Variants in MYO1H observed in about 807,000 individuals in gnomAD.
MYO1H encodes the protein unconventional myosin-Ih.
MYO1H carries 118 observed loss-of-function variants against 149.3 expected under a neutral mutation model. The observed-to-expected ratio is 0.79, with a 90% CI of 0.68 to 0.92. MYO1H has a LOEUF of 0.92. Ranked by LOEUF, MYO1H falls within the 40% of genes least tolerant of loss-of-function variation. The probability of loss-of-function intolerance (pLI) is 0.00; values close to 1 mark genes in which losing one functional copy is unlikely to be tolerated. For missense variants in MYO1H, 1,212 were observed against 1,280.7 expected (o/e 0.95, Z 0.82); for synonymous variants, 447 against 465.2 (o/e 0.96, Z 0.50).
chr12:109,373,140 G>A (rs1869022238), intron 1 of MYO1H, among the ~76,000 whole-genome samples: 1 of 151,924 alleles, frequency 6.6e-6, no homozygotes, highest in Non-Finnish European at 1.5e-5. Context: ...TATAATGTTT[G>A]GATTTTCCTT....
chr12:109,441,194 C>G (rs768648718), intron 25 of MYO1H, among the ~76,000 whole-genome samples: 14 of 152,178 alleles, frequency 9.2e-5, no homozygotes, highest in Non-Finnish European at 5.9e-5. Flanking sequence ...TGGCCTTTCT[C>G]TGTTGGAATT....
chr12:109,404,795 A>G (rs73407504), intron 7 of MYO1H, among the ~76,000 whole-genome samples: 11,671 of 151,906 alleles, frequency 0.077, 644 homozygotes, highest in African/African-American at 0.16. Flanking sequence ...GTTTTGGTAC[A>G]AACTAGAACA....
intron 1 of MYO1H, among the ~76,000 whole-genome samples, chr12:109,380,636 A>T (rs1430804852): frequency 2.0e-5 from 3 of 152,224 alleles, no homozygotes; most frequent in African/African-American, 7.2e-5. Flanking sequence ...GGATGGGAGA[A>T]AAGAGAAGAG....
intron 23 of MYO1H, 133 bp from the exon 24 acceptor site, chr12:109,439,498 T>TGGCCTGTGACCTACATTCCA: frequency 1.5e-6 from 1 of 676,082 alleles, no homozygotes; most frequent in Non-Finnish European, 2.4e-6. Context: ...GGGGCAGATT[T>TGGCCTGTGACCTACATTCCA]GGCCTCTGGC....
At chr12:109,424,281 C>T (rs1035858428) in intron 16 of MYO1H, among the ~76,000 whole-genome samples, 1 of 152,144 alleles carries the variant, frequency 6.6e-6, no homozygotes, top group African/African-American at 2.4e-5. Flanking sequence ...CTACCTCAGC[C>T]TCCTGAGTAA....
the MYO1H span, among the ~76,000 whole-genome samples, chr12:109,339,458 T>G: frequency 6.6e-6 from 1 of 152,186 alleles, no homozygotes; most frequent in Non-Finnish European, 1.5e-5. Context: ...GCAGAGTCCT[T>G]GATGAACAAA....
At chr12:109,343,011 G>A (rs1465572637), upstream of MYO1H, among the ~76,000 whole-genome samples, 1 of 151,942 alleles carries the variant, frequency 6.6e-6, no homozygotes, top group African/African-American at 2.4e-5. Flanking sequence ...TTGAAGCCAG[G>A]AGTTCAAGAC....
rs190532262 is a variant in MYO1H, at chr12:109,353,098, A to C, written c.12+5126A>C. Among the ~76,000 whole-genome samples, 9 of 152,254 alleles carry C rather than the reference A, an allele frequency of 5.9e-5. No homozygotes were observed. The East Asian group carries it at 1.7e-3, about 29-fold the overall frequency. ...AGGGTACTTGCCCCAAATACTCATA[A>C]ACAATATTATTGTGAGGCTGGGCAC... On this transcript the variant is annotated intron_variant, in intron 1 of 31. Coordinates refer to ENST00000310903, the Ensembl canonical transcript of MYO1H.
At chr12:109,390,703 C>T (rs767450212) in intron 2 of MYO1H, among the ~76,000 whole-genome samples, 10 of 151,472 alleles carry the variant, frequency 6.6e-5, no homozygotes, top group Non-Finnish European at 1.0e-4. Context: ...CTCACTCTGT[C>T]GCCCAGGCTG....
At position 109,447,084 on chromosome 12, in the gene MYO1H, T is replaced by C. The variant is rs1872515574; in HGVS notation, c.3094-75T>C. 1.0e-5 allele frequency: 15 copies of C among 1,435,342 alleles called. No individual in the cohort carries two copies. In the South Asian group the frequency reaches 1.6e-4, roughly 15 times the overall value. 88.9% of individuals were successfully genotyped at this position (1,435,342 alleles called of 1,614,324 possible). A position where few individuals can be genotyped will look rare whatever the true frequency, so the allele number is the denominator to read the frequency against. On this transcript the variant is annotated intron_variant, in intron 31 of 31. Coordinates refer to ENST00000310903, the Ensembl canonical transcript of MYO1H. ...ACACCCACCTTGCTAATGGTGACAG[T>C]TGAGGTGATAACTGTTTCCTTTTGC...
the MYO1H span, among the ~76,000 whole-genome samples, chr12:109,330,698 C>T: frequency 6.6e-6 from 1 of 152,050 alleles, no homozygotes; most frequent in Admixed American, 6.6e-5. Flanking sequence ...TTAATTGGGA[C>T]CCATAGTTCT....
upstream of MYO1H, among the ~76,000 whole-genome samples, chr12:109,345,419 C>G (rs1358462870): frequency 6.6e-6 from 1 of 152,070 alleles, no homozygotes; most frequent in African/African-American, 2.4e-5. Context: ...CACTGCACAT[C>G]AACTAGCTTG....
chr12:109,310,723 G>T, the MYO1H span, among the ~76,000 whole-genome samples: 1 of 152,122 alleles, frequency 6.6e-6, no homozygotes, highest in Non-Finnish European at 1.5e-5. Context: ...CTTGGCACTG[G>T]TCCATGTCCT....
chr12:109,437,739 A>G (rs540769911), intron 22 of MYO1H, among the ~76,000 whole-genome samples: 8 of 152,056 alleles, frequency 5.3e-5, no homozygotes, highest in African/African-American at 1.7e-4. Flanking sequence ...AATAGAAACA[A>G]TGCTGTTCTG....
At chr12:109,348,242 T>C (rs921094958) in intron 1 of MYO1H, among the ~76,000 whole-genome samples, 8 of 152,244 alleles carry the variant, frequency 5.3e-5, no homozygotes, top group African/African-American at 1.9e-4. Flanking sequence ...AACAGCGTGC[T>C]GTGCAATAAA....
the MYO1H span, among the ~76,000 whole-genome samples, chr12:109,314,576 A>G: frequency 3.3e-5 from 5 of 152,102 alleles, no homozygotes; most frequent in African/African-American, 1.2e-4. Context: ...TCAAGTCTCA[A>G]AGCTGTCCCT....
chr12:109,362,925 G>A (rs765422682), intron 1 of MYO1H, among the ~76,000 whole-genome samples: 1 of 152,230 alleles, frequency 6.6e-6, no homozygotes, highest in Non-Finnish European at 1.5e-5. Context: ...ATTATGCCAA[G>A]AAGGAATAAG....
rs60551691 is a variant in MYO1H at position 109,396,814 on chromosome 12, G to GTTTTTTTTTTTTT, written c.489+250_489+262dup. On this transcript the variant is annotated intron_variant, in intron 4 of 31. Coordinates refer to ENST00000310903, the Ensembl canonical transcript of MYO1H. ...GACATTTGGTTTTTGTTTTGGTTTC[G>GTTTTTTTTTTTTT]TTTTTTTTTTTTTTTTTTTTTTTTT... 6.7e-4 allele frequency among the ~76,000 whole-genome samples: 34 copies of GTTTTTTTTTTTTT among 51,072 alleles called. 5 individuals are homozygous for GTTTTTTTTTTTTT. The highest frequency in any genetic ancestry group is 8.8e-4 in the African/African-American group (14 of 15,864). 33.5% of individuals were successfully genotyped at this position (51,072 alleles called of 152,430 possible).
rs370331440 is a variant in MYO1H, at chr12:109,447,101, T to G, written c.3094-58T>G. On this transcript the variant is annotated intron_variant, in intron 31 of 31. Coordinates refer to ENST00000310903, the Ensembl canonical transcript of MYO1H. The stretch of plus-strand genomic sequence containing the variant: ...GGTGACAGTTGAGGTGATAACTGTT[T>G]CCTTTTGCGCAAAGGGAGCGGGGAA... The G allele has an allele frequency of 5.2e-6, 8 of 1,543,998 alleles. No homozygotes were observed. The African/African-American group carries it at 1.1e-4, about 21-fold the overall frequency.
Sources: gnomAD v4.1 joint callset for allele counts (sites outside exome capture counted in the v4.1 genomes callset) on GRCh38, gnomAD v4.1.1 for gene constraint, MANE v1.5 for transcripts, NCBI Gene and HGNC (gene_info 2026-07-23, HGNC 2026-07-21) for gene names.